The following LRMDA variants were observed in gnomAD, a reference collection of about 807,000 sequenced individuals.
LRMDA encodes leucine rich melanocyte differentiation associated.
LRMDA carries 18 observed loss-of-function variants against 29.8 expected under a neutral mutation model. The ratio of observed to expected loss-of-function variants is 0.60; its 90% confidence interval spans 0.42 to 0.90. The LOEUF is 0.90. LRMDA is among the 40% of genes least tolerant of loss of function. The pLI, the probability that LRMDA is intolerant of heterozygous loss-of-function variation, is 0.00. For synonymous variants in LRMDA, 125 were observed against 109.4 expected (o/e 1.14, Z -0.89); for missense variants, 273 against 273.9 (o/e 1.00, Z 0.02).
At chr10:75,660,751 G>A (rs1841742092) in intron 2 of LRMDA, among the ~76,000 whole-genome samples, 2 of 151,478 alleles carry the variant, frequency 1.3e-5, no homozygotes, top group Non-Finnish European at 2.9e-5. Flanking sequence ...TTGAGACTTG[G>A]GGGAGGAAAA....
rs951015231 is a variant in LRMDA, at chr10:75,431,704, G to T, written c.-21G>T. The T allele has an allele frequency of 2.4e-5, 32 of 1,311,656 alleles. No individual in the cohort carries two copies. The highest frequency in any genetic ancestry group is 5.7e-4 in the Middle Eastern group (2 of 3,506). 81.3% of individuals were successfully genotyped at this position (1,311,656 alleles called of 1,614,324 possible). A position where few individuals can be genotyped will look rare whatever the true frequency, so the allele number is the denominator to read the frequency against. On this transcript the variant is annotated 5_prime_UTR_variant, in exon 1 of 7. Coordinates refer to ENST00000611255, the MANE Select transcript of LRMDA (RefSeq NM_001305581.2). ...CGCGCCCCCGCGCTCCGTCCCGCGC[G>T]CCCGCAGCGTCCTGGCCGCCATGGC...
chr10:75,466,829 C>T (rs1364692444), intron 2 of LRMDA, among the ~76,000 whole-genome samples: 3 of 152,150 alleles, frequency 2.0e-5, no homozygotes, highest in African/African-American at 7.2e-5. Flanking sequence ...AAACCCTCCC[C>T]TCTTCCCTAG....
chr10:75,563,663 A>G (rs1840330296), intron 2 of LRMDA, among the ~76,000 whole-genome samples: 1 of 151,798 alleles, frequency 6.6e-6, no homozygotes. Context: ...TTGTGGTTTT[A>G]TCTACTTTTG....
Position 76,006,983 on chromosome 10 carries a change from C to CGTGTGTGTGTGTGTGTGTGTGT in LRMDA, c.132-28997_132-28976dup, listed in dbSNP as rs572881040. On this transcript the variant is annotated intron_variant, in intron 2 of 6. Transcript: ENST00000611255. ...GCTAAAGTTTGCAGGATGGAGAAGG[C>CGTGTGTGTGTGTGTGTGTGTGT]GTGTGTGTGTGTGTGTGTGTGTGTG... is the stretch of plus-strand genomic sequence containing the variant. Among the ~76,000 whole-genome samples the CGTGTGTGTGTGTGTGTGTGTGT allele has an allele frequency of 2.0e-3, 236 of 116,184 alleles. 5 individuals carry two copies. The highest frequency in any genetic ancestry group is 5.5e-3 in the African/African-American group (155 of 27,950). The allele number at this position is 116,184 out of a possible 152,430, so 76.2% of individuals were successfully genotyped here.
chr10:76,462,641 G>T (rs900240752), intron 6 of LRMDA, among the ~76,000 whole-genome samples: 3 of 152,164 alleles, frequency 2.0e-5, no homozygotes, highest in African/African-American at 7.2e-5. Flanking sequence ...CTTTGCCTGT[G>T]CTGAGTGGTG....
At chr10:76,130,115 GT>G (rs35171640) in intron 5 of LRMDA, among the ~76,000 whole-genome samples, 91,052 of 140,532 alleles carry the variant, frequency 0.65, 28,793 homozygotes, top group East Asian at 0.79. Flanking sequence ...GCTGCTCAAA[GT>G]TTTTTTTTTT....
chr10:75,515,100 T>C (rs1845274884), intron 2 of LRMDA, among the ~76,000 whole-genome samples: 1 of 152,140 alleles, frequency 6.6e-6, no homozygotes, highest in Non-Finnish European at 1.5e-5. Context: ...ACCTTAAACA[T>C]ATTAGGTTAA....
chr10:76,133,193 C>G (rs1016333424), intron 5 of LRMDA, among the ~76,000 whole-genome samples: 4 of 152,012 alleles, frequency 2.6e-5, no homozygotes, highest in Admixed American at 1.3e-4. Flanking sequence ...GAAACCAAAA[C>G]CTCTTCAACG....
chr10:76,147,540 T>A (rs530616189), intron 5 of LRMDA, among the ~76,000 whole-genome samples: 1 of 152,308 alleles, frequency 6.6e-6, no homozygotes, highest in African/African-American at 2.4e-5. Context: ...CTCCATCAGG[T>A]CCTTTAAGGA....
chr10:75,771,727 A>C (rs1454042167), intron 2 of LRMDA, among the ~76,000 whole-genome samples: 1 of 152,042 alleles, frequency 6.6e-6, no homozygotes, highest in Non-Finnish European at 1.5e-5. Context: ...TATACCTTCC[A>C]GTTCCTACTT....
chr10:76,029,396 T>C (rs568426474), intron 2 of LRMDA, among the ~76,000 whole-genome samples: 2 of 152,322 alleles, frequency 1.3e-5, no homozygotes, highest in South Asian at 4.1e-4. Flanking sequence ...GGTATGGATA[T>C]CATGAAGGAT....
chr10:76,215,899 AAG>A (rs1363365075), intron 5 of LRMDA, among the ~76,000 whole-genome samples: 1 of 152,270 alleles, frequency 6.6e-6, no homozygotes, highest in Non-Finnish European at 1.5e-5. Context: ...TGAAAGAAGA[AAG>A]AGGATGACAC....
intron 2 of LRMDA, among the ~76,000 whole-genome samples, chr10:75,510,745 G>T (rs369966457): frequency 1.3e-5 from 2 of 152,190 alleles, no homozygotes; most frequent in South Asian, 4.1e-4. Context: ...GCTGAAAGAG[G>T]TGGGGGTGTT....
chr10:75,641,585 C>A (rs1370893538), intron 2 of LRMDA, among the ~76,000 whole-genome samples: 1 of 152,050 alleles, frequency 6.6e-6, no homozygotes, highest in Non-Finnish European at 1.5e-5. Flanking sequence ...GCAGCCTCGA[C>A]CTCCTGAGGC....
intron 6 of LRMDA, among the ~76,000 whole-genome samples, chr10:76,520,944 A>G (rs117160334): frequency 2.3e-4 from 35 of 152,320 alleles, no homozygotes; most frequent in Non-Finnish European, 4.9e-4. Context: ...AAATAAACTC[A>G]TAGAACATTT....
chr10:76,449,109 C>T (rs966558143), intron 6 of LRMDA, among the ~76,000 whole-genome samples: 1 of 151,588 alleles, frequency 6.6e-6, no homozygotes, highest in Non-Finnish European at 1.5e-5. Flanking sequence ...TTTAAAATGC[C>T]TCAGGGGTAT....
chr10:75,597,953 G>C (rs1378262090), intron 2 of LRMDA, among the ~76,000 whole-genome samples: 1 of 152,120 alleles, frequency 6.6e-6, no homozygotes, highest in Non-Finnish European at 1.5e-5. Flanking sequence ...GCCTGAGGGG[G>C]AGTACAAGGG....
chr10:76,461,591 C>G (rs541830658), intron 6 of LRMDA, among the ~76,000 whole-genome samples: 25 of 152,114 alleles, frequency 1.6e-4, no homozygotes, highest in Admixed American at 3.9e-4. Context: ...AACAAGATTG[C>G]ATAGTTGTGT....
At chr10:76,429,448 G>A (rs1169477741) in intron 6 of LRMDA, among the ~76,000 whole-genome samples, 1 of 152,132 alleles carries the variant, frequency 6.6e-6, no homozygotes, top group Non-Finnish European at 1.5e-5. Flanking sequence ...AGGCTGCAGC[G>A]AGGGAAGATT....
Sources: allele counts gnomAD v4.1 joint callset (sites outside exome capture counted in the v4.1 genomes callset), GRCh38; gene constraint gnomAD v4.1.1; transcripts MANE v1.5; gene names NCBI Gene and HGNC (gene_info 2026-07-23, HGNC 2026-07-21).